The following TENM2 variants were observed in gnomAD, a reference collection of about 807,000 sequenced individuals.
TENM2 encodes teneurin-2.
TENM2 carries 52 observed loss-of-function variants against 245.2 expected under a neutral mutation model. The observed-to-expected ratio is 0.21, with a 90% CI of 0.17 to 0.27. The LOEUF (loss-of-function observed/expected upper bound fraction) is 0.27, where lower values mean the gene tolerates loss of function less well. TENM2 is among the 10% of genes least tolerant of loss of function. The pLI is 1.00. For synonymous variants in TENM2, 1,363 were observed against 1,438.9 expected (o/e 0.95, Z 1.19); for missense variants, 3,046 against 3,666.8 (o/e 0.83, Z 4.37).
rs74941028 is a variant in TENM2, at chr5:167,423,532, G to C, written c.502+48059G>C. Among the ~76,000 whole-genome samples the C allele has an allele frequency of 5.3e-3, 804 of 152,300 alleles. 7 individuals are homozygous for C. Among genetic ancestry groups the C allele is most frequent in the African/African-American group, 0.018 (760 of 41,574 alleles). ...AGTGTTTATGCAAATTAGGGAAAGA[G>C]ACATTGAAGGATTGATGTGCCTAGC... On this transcript the variant is annotated intron_variant, in intron 2 of 28. Transcript: ENST00000518659.
At chr5:168,051,773 G>A (rs1014294961) in intron 6 of TENM2, among the ~76,000 whole-genome samples, 1 of 152,156 alleles carries the variant, frequency 6.6e-6, no homozygotes, top group Non-Finnish European at 1.5e-5. Flanking sequence ...TCTGTGAAAT[G>A]CAACTCCCTC....
chr5:167,879,856 C>G (rs1773730986), intron 3 of TENM2, among the ~76,000 whole-genome samples: 1 of 152,064 alleles, frequency 6.6e-6, no homozygotes, highest in Non-Finnish European at 1.5e-5. Flanking sequence ...TGCCCTAACC[C>G]TTTTTAAAGA....
At chr5:167,738,279 T>C (rs1760941149) in intron 2 of TENM2, among the ~76,000 whole-genome samples, 1 of 152,190 alleles carries the variant, frequency 6.6e-6, no homozygotes, top group Non-Finnish European at 1.5e-5. Flanking sequence ...TGGGGGGCTG[T>C]TATAACATGG....
the TENM2 span, among the ~76,000 whole-genome samples, chr5:166,999,943 G>A: frequency 6.6e-6 from 1 of 152,090 alleles, no homozygotes; most frequent in East Asian, 1.9e-4. Flanking sequence ...CATAAAATGA[G>A]GAAAAGGAGG....
the TENM2 span, among the ~76,000 whole-genome samples, chr5:167,228,979 C>T: frequency 7.9e-5 from 12 of 152,298 alleles, no homozygotes; most frequent in Admixed American, 3.9e-4. Flanking sequence ...GGATTACAGG[C>T]GTGAGCCACC....
intron 7 of TENM2, among the ~76,000 whole-genome samples, chr5:168,086,823 G>A (rs185652015): frequency 7.2e-5 from 11 of 152,346 alleles, no homozygotes; most frequent in Non-Finnish European, 4.4e-5. Context: ...TCAATTCCCA[G>A]TGTTGAGGGA....
chr5:168,098,391 C>T (rs965274848), intron 9 of TENM2, among the ~76,000 whole-genome samples: 4 of 152,122 alleles, frequency 2.6e-5, no homozygotes, highest in Non-Finnish European at 5.9e-5. Flanking sequence ...ATGAGATGGT[C>T]GGATTTCCTG....
chr5:167,003,955 A>T, the TENM2 span, among the ~76,000 whole-genome samples: 2 of 152,140 alleles, frequency 1.3e-5, no homozygotes, highest in Non-Finnish European at 2.9e-5. Context: ...TTTGTGGGTT[A>T]TCTGTAACAA....
intron 2 of TENM2, among the ~76,000 whole-genome samples, chr5:167,700,865 T>C (rs1196282992): frequency 1.3e-5 from 2 of 150,720 alleles, no homozygotes; most frequent in African/African-American, 4.9e-5. Context: ...TCCTTCCTTT[T>C]AGTATAACGT....
At chr5:167,243,796 A>G in the TENM2 span, among the ~76,000 whole-genome samples, 1 of 152,128 alleles carries the variant, frequency 6.6e-6, no homozygotes, top group Non-Finnish European at 1.5e-5. Context: ...TTTTATCTGC[A>G]TTGATATCCA....
Position 167,325,739 on chromosome 5 carries a change from A to T in TENM2, c.226+40676A>T, listed in dbSNP as rs564275683. ...GTACATATTAATGCATTCATTTCAC[A>T]AATACTTACTATGCATGTTCTCTTA... On this transcript the variant is annotated intron_variant, in intron 1 of 28. Transcript: ENST00000518659. Among the ~76,000 whole-genome samples the T allele has an allele frequency of 7.4e-4, 112 of 152,348 alleles. 1 individual carries two copies. The highest frequency in any genetic ancestry group is 6.2e-4 in the South Asian group (3 of 4,826).
intron 2 of TENM2, among the ~76,000 whole-genome samples, chr5:167,530,211 A>G (rs1049610990): frequency 2.6e-5 from 4 of 152,308 alleles, no homozygotes; most frequent in East Asian, 1.9e-4. Flanking sequence ...TACATCTGTG[A>G]CAGATCGGAT....
chr5:168,052,655 G>A (rs1208554208), intron 6 of TENM2, among the ~76,000 whole-genome samples: 3 of 151,910 alleles, frequency 2.0e-5, no homozygotes, highest in Non-Finnish European at 1.5e-5. Context: ...ATTCCAAAGG[G>A]CCAATGTGTA....
At chr5:167,210,188 A>T in the TENM2 span, among the ~76,000 whole-genome samples, 1 of 152,206 alleles carries the variant, frequency 6.6e-6, no homozygotes, top group East Asian at 1.9e-4. Flanking sequence ...GTAAAGAGGT[A>T]ACTTATCTAA....
chr5:167,717,654 T>G (rs1056466610), intron 2 of TENM2, among the ~76,000 whole-genome samples: 1 of 152,166 alleles, frequency 6.6e-6, no homozygotes, highest in Non-Finnish European at 1.5e-5. Context: ...GAAGGACTTA[T>G]AGCAAAGGAA....
intron 2 of TENM2, among the ~76,000 whole-genome samples, chr5:167,641,049 C>T (rs914572045): frequency 1.3e-5 from 2 of 150,748 alleles, no homozygotes; most frequent in African/African-American, 2.4e-5. Flanking sequence ...CTAAACAATC[C>T]GTGTTTTATC....
At chr5:167,857,271 T>C (rs1315808036) in intron 2 of TENM2, among the ~76,000 whole-genome samples, 1 of 152,208 alleles carries the variant, frequency 6.6e-6, no homozygotes, top group Admixed American at 6.5e-5. Flanking sequence ...ATTTCGCTCT[T>C]TTTCCAAACC....
At chr5:167,743,829 T>C (rs1761374753) in intron 2 of TENM2, among the ~76,000 whole-genome samples, 1 of 152,218 alleles carries the variant, frequency 6.6e-6, no homozygotes, top group Non-Finnish European at 1.5e-5. Flanking sequence ...CAGCCCCTAC[T>C]GAAGCGATGA....
chr5:168,097,889 A>G (rs1793497282), intron 8 of TENM2, 137 bp from the exon 11 acceptor site: 2 of 646,212 alleles, frequency 3.1e-6, no homozygotes, highest in Non-Finnish European at 2.8e-6. Flanking sequence ...TCACTCATTC[A>G]TATTGCTGAC....
Sources: gnomAD v4.1 joint callset for allele counts (sites outside exome capture counted in the v4.1 genomes callset) on GRCh38, gnomAD v4.1.1 for gene constraint, MANE v1.5 for transcripts, NCBI Gene and HGNC (gene_info 2026-07-23, HGNC 2026-07-21) for gene names.